HYAL4: variants seen among roughly 807,000 people sequenced by gnomAD.
HYAL4 encodes hyaluronidase-4.
Under a neutral mutation model 35.2 loss-of-function variants are expected in HYAL4, and 37 were observed. The observed-to-expected ratio is 1.05, with a 90% CI of 0.81 to 1.38. The LOEUF (loss-of-function observed/expected upper bound fraction) is 1.38. HYAL4 is among the 40% of genes most tolerant of loss of function. The pLI is 0.00. For synonymous variants in HYAL4, 198 were observed against 203.2 expected (o/e 0.97, Z 0.22); for missense variants, 572 against 572.4 (o/e 1.00, Z 0.01).
intron 2 of HYAL4, among the ~76,000 whole-genome samples, chr7:123,863,830 C>CT (rs1446135929): frequency 1.3e-5 from 2 of 151,868 alleles, no homozygotes; most frequent in East Asian, 3.9e-4. Flanking sequence ...AAGGGTTGCT[C>CT]TTTTTTTTCT....
chr7:123,805,990 G>A, the HYAL4 span, among the ~76,000 whole-genome samples: 2 of 151,792 alleles, frequency 1.3e-5, no homozygotes, highest in Non-Finnish European at 2.9e-5. Context: ...GGGAGACTCC[G>A]TCCGAAAAAA....
chr7:123,873,007 G>A (rs1002133242), intron 3 of HYAL4, among the ~76,000 whole-genome samples: 1 of 152,130 alleles, frequency 6.6e-6, no homozygotes. Context: ...ATCAAAAGGA[G>A]AGCTGTTAGG....
upstream of HYAL4, among the ~76,000 whole-genome samples, chr7:123,826,628 G>C (rs1158313247): frequency 1.3e-5 from 2 of 152,048 alleles, no homozygotes; most frequent in Non-Finnish European, 2.9e-5. Flanking sequence ...ATTGCTACTT[G>C]GGAGGATATT....
chr7:123,872,961 G>A (rs1474500585), intron 3 of HYAL4, among the ~76,000 whole-genome samples: 1 of 152,204 alleles, frequency 6.6e-6, no homozygotes, highest in Non-Finnish European at 1.5e-5. Context: ...AAATGTAAAT[G>A]TTATGTCCTT....
Position 123,877,213 on chromosome 7 carries a change from G to A in HYAL4, c.*58G>A. The A allele has an allele frequency of 9.4e-6, 14 of 1,492,920 alleles. No homozygotes were observed. Among genetic ancestry groups the A allele is most frequent in the South Asian group, 1.3e-5 (1 of 75,086 alleles). The allele number at this position is 1,492,920 out of a possible 1,614,324, so 92.5% of individuals were successfully genotyped here. Reference sequence around the variant, plus strand: ...CTAGCCTAGTCATTTAAAGAAGGATGTAACTTATAACATTTTTTTTCTCTT... The same window carrying A: ...CTAGCCTAGTCATTTAAAGAAGGATATAACTTATAACATTTTTTTTCTCTT... On this transcript the variant is annotated 3_prime_UTR_variant, in exon 5 of 5. Coordinates refer to ENST00000223026, the MANE Select transcript of HYAL4 (RefSeq NM_012269.3).
the HYAL4 span, among the ~76,000 whole-genome samples, chr7:123,819,973 C>T: frequency 9.9e-5 from 15 of 151,446 alleles, no homozygotes; most frequent in Non-Finnish European, 1.3e-4. Flanking sequence ...ACACTGCAAC[C>T]TCTGCCTCCC....
the HYAL4 span, among the ~76,000 whole-genome samples, chr7:123,807,806 G>A: frequency 7.3e-5 from 11 of 151,290 alleles, no homozygotes; most frequent in East Asian, 3.9e-4. Flanking sequence ...ATCATAGTTC[G>A]CGGTAGCCTC....
intron 2 of HYAL4, among the ~76,000 whole-genome samples, chr7:123,858,054 T>C (rs890710646): frequency 1.5e-4 from 23 of 151,910 alleles, no homozygotes; most frequent in African/African-American, 5.1e-4. Context: ...AAATTAACTT[T>C]GGCATGGTGG....
At chr7:123,767,820 G>A in the HYAL4 span, among the ~76,000 whole-genome samples, 9 of 152,186 alleles carry the variant, frequency 5.9e-5, no homozygotes, top group African/African-American at 1.9e-4. Flanking sequence ...TTGTTTACCA[G>A]TGGTAGGGAA....
the HYAL4 span, among the ~76,000 whole-genome samples, chr7:123,811,591 GAT>G: frequency 1.6e-4 from 24 of 152,188 alleles, no homozygotes; most frequent in African/African-American, 5.5e-4. Context: ...TTCTTTGTTA[GAT>G]ATGTCTTTTG....
the HYAL4 span, among the ~76,000 whole-genome samples, chr7:123,803,663 A>G: frequency 1.3e-5 from 2 of 152,216 alleles, no homozygotes; most frequent in Non-Finnish European, 1.5e-5. Context: ...CTTTGCATCA[A>G]CCATCACTTC....
intron 3 of HYAL4, among the ~76,000 whole-genome samples, chr7:123,870,200 A>G (rs1387733209): frequency 2.0e-5 from 3 of 152,214 alleles, no homozygotes; most frequent in Non-Finnish European, 4.4e-5. Flanking sequence ...AGTTCTAGGC[A>G]TCCTAAGGAG....
chr7:123,826,752 G>A (rs1463703656), upstream of HYAL4, among the ~76,000 whole-genome samples: 1 of 152,108 alleles, frequency 6.6e-6, no homozygotes, highest in Non-Finnish European at 1.5e-5. Context: ...AACAGATTGT[G>A]GAGACTAGTT....
At chr7:123,828,462 A>ACACACC (rs1554415979), upstream of HYAL4, among the ~76,000 whole-genome samples, 103 of 137,542 alleles carry the variant, frequency 7.5e-4, 1 homozygote, top group Middle Eastern at 3.6e-3. Context: ...ACACACACAC[A>ACACACC]CCTCTAAAAA....
At chr7:123,832,476 ATACTTTTTTTTTTTTTTTTTT>A (rs1805899179) in intron 1 of HYAL4, among the ~76,000 whole-genome samples, 1 of 58,476 alleles carries the variant, frequency 1.7e-5, no homozygotes, top group East Asian at 5.6e-4. Flanking sequence ...CTATTGTGTC[ATACTTTTTTTTTTTTTTTTTT>A]TTTTTTTTTT....
the HYAL4 span, among the ~76,000 whole-genome samples, chr7:123,818,714 A>G: frequency 6.6e-6 from 1 of 152,114 alleles, no homozygotes; most frequent in African/African-American, 2.4e-5. Context: ...AGGCAGTATC[A>G]CCTTTTCCAA....
At chr7:123,818,109 T>C in the HYAL4 span, among the ~76,000 whole-genome samples, 5 of 152,202 alleles carry the variant, frequency 3.3e-5, no homozygotes. Context: ...ACTACTCACC[T>C]TGAGTGATCT....
intron 2 of HYAL4, among the ~76,000 whole-genome samples, chr7:123,854,444 G>A (rs1310401831): frequency 6.6e-6 from 1 of 152,146 alleles, no homozygotes; most frequent in South Asian, 2.1e-4. Flanking sequence ...TGGTTTCAAA[G>A]AACTTATTTA....
chr7:123,777,580 C>T, the HYAL4 span, among the ~76,000 whole-genome samples: 1,181 of 152,230 alleles, frequency 7.8e-3, 20 homozygotes, highest in African/African-American at 0.027. Flanking sequence ...AAATTATACA[C>T]TCCTTGAGGA....
Sources: gnomAD v4.1 joint callset for allele counts (sites outside exome capture counted in the v4.1 genomes callset) on GRCh38, gnomAD v4.1.1 for gene constraint, MANE v1.5 for transcripts, NCBI Gene and HGNC (gene_info 2026-07-23, HGNC 2026-07-21) for gene names.